KCNIP4: variants seen among roughly 807,000 people sequenced by gnomAD.
The protein encoded by KCNIP4 is Kv channel-interacting protein 4.
In KCNIP4, 12 loss-of-function variants were observed where a neutral mutation model predicts 34.0. The observed-to-expected ratio is 0.35, with a 90% CI of 0.23 to 0.57. The LOEUF is 0.57. Ranked by LOEUF, KCNIP4 falls within the 20% of genes least tolerant of loss-of-function variation. The pLI is 0.83. For missense variants in KCNIP4, 238 were observed against 311.7 expected, an observed-to-expected ratio of 0.76 and a Z score of 1.78; for synonymous variants, 124 against 102.2, an observed-to-expected ratio of 1.21 and a Z score of -1.29.
chr4:21,011,002 C>T (rs1031622804), intron 1 of KCNIP4, among the ~76,000 whole-genome samples: 1 of 152,138 alleles, frequency 6.6e-6, no homozygotes, highest in African/African-American at 2.4e-5. Flanking sequence ...ACATATGTCT[C>T]ATTTATTCTA....
chr4:20,761,044 A>C (rs531822187), intron 3 of KCNIP4, among the ~76,000 whole-genome samples: 1 of 152,294 alleles, frequency 6.6e-6, no homozygotes, highest in African/African-American at 2.4e-5. Flanking sequence ...AGTAAAGCAG[A>C]TTGCCCTCCA....
intron 1 of KCNIP4, among the ~76,000 whole-genome samples, chr4:21,778,335 A>G (rs2109206851): frequency 7.0e-6 from 1 of 143,410 alleles, no homozygotes; most frequent in East Asian, 2.0e-4. Context: ...CCTGGGCTCA[A>G]GTGATCCTCC....
rs181814877 is a variant in KCNIP4 at position 21,137,084 on chromosome 4, T to G, written c.62-254375A>C. Among the ~76,000 whole-genome samples the G allele has an allele frequency of 1.2e-4, 18 of 150,794 alleles. No homozygotes were observed. In the East Asian group the frequency reaches 3.5e-3, roughly 29 times the overall value. ...AGGCTAATATTTCCCTTTTCTGTCC[T>G]GTCGTCTTGGCAAAATATTTGAACA... On this transcript the variant is annotated intron_variant, in intron 1 of 8. Coordinates refer to ENST00000382152, the MANE Select transcript of KCNIP4 (RefSeq NM_025221.6).
chr4:21,948,577 T>C lies in KCNIP4; in HGVS notation c.55A>G (p.Thr19Ala). Residue 19 changes from threonine (T) to alanine (A), a missense_variant, in exon 1 of 9, where the codon ACA (threonine) becomes GCA (alanine). Thr to Ala is a moderately conservative substitution (Grantham distance 58, BLOSUM62 0). Transcript: ENST00000382152. ...ISAQLEEASS[T>A]GGFLYAQNST... Reference sequence around the variant, plus strand: ...CAAGCTTATTGCATCCTACCGCCTGTAGAGCTGGCCTCCTCCAGCTGAGCC... The same window carrying C: ...CAAGCTTATTGCATCCTACCGCCTGCAGAGCTGGCCTCCTCCAGCTGAGCC... The C allele has an allele frequency of 6.2e-7, 1 of 1,613,146 alleles. No individual in the cohort carries two copies. Among genetic ancestry groups the C allele is most frequent in the Non-Finnish European group, 8.5e-7 (1 of 1,179,604 alleles).
intron 1 of KCNIP4, among the ~76,000 whole-genome samples, chr4:21,694,369 G>C (rs1332476901): frequency 6.6e-6 from 1 of 152,100 alleles, no homozygotes; most frequent in Non-Finnish European, 1.5e-5. Context: ...ACAGTGAACT[G>C]AGGCCATTAA....
chr4:20,931,192 C>CACAG (rs945818311), intron 1 of KCNIP4, among the ~76,000 whole-genome samples: 2 of 151,526 alleles, frequency 1.3e-5, no homozygotes, highest in Non-Finnish European at 2.9e-5. Flanking sequence ...CACACACACA[C>CACAG]ACACAGACAC....
chr4:21,166,913 T>C, intron 1 of KCNIP4, among the ~76,000 whole-genome samples: 1 of 108,432 alleles, frequency 9.2e-6, no homozygotes, highest in African/African-American at 3.8e-5. Context: ...CACTCCAGCC[T>C]GGGGGACAGA....
intron 1 of KCNIP4, among the ~76,000 whole-genome samples, chr4:21,893,210 A>C (rs1560792490): frequency 6.6e-6 from 1 of 152,150 alleles, no homozygotes; most frequent in Non-Finnish European, 1.5e-5. Context: ...ACTCACAAAT[A>C]AATTATAAGG....
chr4:20,805,819 A>C (rs944214113), intron 3 of KCNIP4, among the ~76,000 whole-genome samples: 1 of 152,034 alleles, frequency 6.6e-6, no homozygotes, highest in African/African-American at 2.4e-5. Flanking sequence ...ACGGATTTCA[A>C]TTTCATCTCC....
chr4:21,602,351 C>A (rs1743250354), intron 1 of KCNIP4, among the ~76,000 whole-genome samples: 1 of 152,116 alleles, frequency 6.6e-6, no homozygotes, highest in African/African-American at 2.4e-5. Context: ...ATCTCAGGAT[C>A]CTCTGCATAT....
At chr4:20,990,710 T>C (rs1375927972) in intron 1 of KCNIP4, among the ~76,000 whole-genome samples, 3 of 152,214 alleles carry the variant, frequency 2.0e-5, no homozygotes, top group Admixed American at 2.0e-4. Context: ...AATTTCTTTT[T>C]CCCAGCCTTT....
At chr4:21,261,485 C>G (rs996779755) in intron 1 of KCNIP4, among the ~76,000 whole-genome samples, 1 of 152,142 alleles carries the variant, frequency 6.6e-6, no homozygotes, top group African/African-American at 2.4e-5. Context: ...AATTACACTC[C>G]TGTGTCATGA....
intron 1 of KCNIP4, among the ~76,000 whole-genome samples, chr4:21,773,092 T>G (rs1346758435): frequency 6.6e-6 from 1 of 152,226 alleles, no homozygotes; most frequent in Admixed American, 6.5e-5. Flanking sequence ...GCTTTAGCTG[T>G]GTCCCAGAGA....
At chr4:21,345,721 T>C (rs1438765363) in intron 1 of KCNIP4, among the ~76,000 whole-genome samples, 3 of 152,080 alleles carry the variant, frequency 2.0e-5, no homozygotes, top group Non-Finnish European at 4.4e-5. Context: ...CTTGTTCCCA[T>C]TTTCTTTATT....
intron 1 of KCNIP4, among the ~76,000 whole-genome samples, chr4:21,894,989 T>A (rs1183582667): frequency 6.6e-6 from 1 of 152,174 alleles, no homozygotes; most frequent in African/African-American, 2.4e-5. Context: ...TGTTCTCTTA[T>A]CTCTTCTCTC....
At chr4:21,435,181 CTTAAATTGT>C (rs1560402688) in intron 1 of KCNIP4, among the ~76,000 whole-genome samples, 1 of 152,114 alleles carries the variant, frequency 6.6e-6, no homozygotes, top group Non-Finnish European at 1.5e-5. Context: ...GAGCAAAAAA[CTTAAATTGT>C]TTTGATATAG....
chr4:21,009,887 T>C (rs1738918163), intron 1 of KCNIP4, among the ~76,000 whole-genome samples: 1 of 152,194 alleles, frequency 6.6e-6, no homozygotes, highest in South Asian at 2.1e-4. Context: ...TTAAAAGACT[T>C]GTGTGCCTAC....
intron 1 of KCNIP4, among the ~76,000 whole-genome samples, chr4:21,225,435 G>A (rs1758309016): frequency 6.6e-6 from 1 of 152,084 alleles, no homozygotes; most frequent in Admixed American, 6.6e-5. Context: ...TATTACCTAA[G>A]ACAATCCCAA....
At chr4:20,762,142 T>C (rs1755010922) in intron 3 of KCNIP4, among the ~76,000 whole-genome samples, 1 of 152,214 alleles carries the variant, frequency 6.6e-6, no homozygotes, top group African/African-American at 2.4e-5. Flanking sequence ...GATTAGCAGA[T>C]TCAGTGCTTG....
Sources: allele counts gnomAD v4.1 joint callset (sites outside exome capture counted in the v4.1 genomes callset), GRCh38; gene constraint gnomAD v4.1.1; transcripts MANE v1.5; gene names NCBI Gene and HGNC (gene_info 2026-07-23, HGNC 2026-07-21).